TRPC7: variants seen among roughly 807,000 people sequenced by gnomAD.
TRPC7 encodes transient receptor potential cation channel subfamily C member 7.
TRPC7 carries 42 observed loss-of-function variants against 90.1 expected under a neutral mutation model. That is an observed-to-expected ratio of 0.47 (90% CI 0.36 to 0.60). The LOEUF is 0.60. Ranked by LOEUF, TRPC7 falls within the 20% of genes least tolerant of loss-of-function variation. The probability of loss-of-function intolerance (pLI) is 0.00; values close to 1 mark genes in which losing one functional copy is unlikely to be tolerated. For synonymous variants in TRPC7, 451 were observed against 436.3 expected (o/e 1.03, Z -0.42); for missense variants, 955 against 1,112.3 (o/e 0.86, Z 2.01).
intron 5 of TRPC7, among the ~76,000 whole-genome samples, chr5:136,262,624 T>G (rs1443512842): frequency 6.6e-6 from 1 of 152,224 alleles, no homozygotes; most frequent in East Asian, 1.9e-4. Context: ...TGATAATGTT[T>G]TTCTGATTCT....
chr5:136,293,194 A>G (rs2149825920), intron 3 of TRPC7, among the ~76,000 whole-genome samples: 1 of 152,294 alleles, frequency 6.6e-6, no homozygotes, highest in African/African-American at 2.4e-5. Flanking sequence ...TACTGAATGG[A>G]CAAAAACTGG....
intron 2 of TRPC7, among the ~76,000 whole-genome samples, chr5:136,345,655 T>C (rs909916209): frequency 6.6e-6 from 1 of 152,338 alleles, no homozygotes; most frequent in East Asian, 1.9e-4. Context: ...AGGCTGCCTG[T>C]TCACTCTGAT....
At chr5:136,253,694 C>T (rs887907740) in intron 5 of TRPC7, among the ~76,000 whole-genome samples, 2 of 152,140 alleles carry the variant, frequency 1.3e-5, no homozygotes, top group Non-Finnish European at 2.9e-5. Context: ...CTTTCCCTCC[C>T]CTCGGGCCTC....
chr5:136,290,699 C>A (rs577349817), intron 3 of TRPC7, among the ~76,000 whole-genome samples: 60 of 152,236 alleles, frequency 3.9e-4, no homozygotes, highest in Non-Finnish European at 6.8e-4. Flanking sequence ...AGAATGGAAC[C>A]AAGTTGGAAA....
chr5:136,276,084 T>C (rs1261854386), intron 3 of TRPC7, among the ~76,000 whole-genome samples: 2 of 152,268 alleles, frequency 1.3e-5, no homozygotes, highest in African/African-American at 4.8e-5. Flanking sequence ...TAGTAGTTGC[T>C]GCTTGGCCAT....
chr5:136,277,344 C>G (rs898377257), intron 3 of TRPC7, among the ~76,000 whole-genome samples: 1 of 152,184 alleles, frequency 6.6e-6, no homozygotes, highest in Non-Finnish European at 1.5e-5. Flanking sequence ...AATAAAGCAA[C>G]CTAGCTTCAG....
chr5:136,262,679 G>A (rs1756896077), intron 5 of TRPC7, among the ~76,000 whole-genome samples: 1 of 152,182 alleles, frequency 6.6e-6, no homozygotes, highest in South Asian at 2.1e-4. Flanking sequence ...CCAGGATGGA[G>A]TAACAAACAG....
intron 5 of TRPC7, among the ~76,000 whole-genome samples, chr5:136,255,028 C>A (rs557109448): frequency 6.6e-6 from 1 of 152,300 alleles, no homozygotes; most frequent in African/African-American, 2.4e-5. Flanking sequence ...TAAATTGCTG[C>A]AATTTCATGA....
At chr5:136,224,690 T>A (rs1755571886) in intron 10 of TRPC7, among the ~76,000 whole-genome samples, 1 of 152,210 alleles carries the variant, frequency 6.6e-6, no homozygotes, top group African/African-American at 2.4e-5. Context: ...TAGGTGGTTT[T>A]CTTAAAGCGC....
chr5:136,275,667 TCTATTGTGTGGCCATGTC>T (rs1220307445), intron 3 of TRPC7, among the ~76,000 whole-genome samples: 1 of 152,162 alleles, frequency 6.6e-6, no homozygotes, highest in East Asian at 1.9e-4. Context: ...GTGGCCATTT[TCTATTGTGTGGCCATGTC>T]CTGCCCTCAC....
chr5:136,314,744 G>T (rs1015736307), intron 3 of TRPC7, among the ~76,000 whole-genome samples: 2 of 152,140 alleles, frequency 1.3e-5, no homozygotes, highest in Non-Finnish European at 2.9e-5. Context: ...ATACCATTCA[G>T]TTTTGATCAG....
At chr5:136,351,302 C>T (rs944375699) in intron 2 of TRPC7, among the ~76,000 whole-genome samples, 39 of 152,278 alleles carry the variant, frequency 2.6e-4, no homozygotes, top group Admixed American at 1.8e-3. Context: ...CCCTTTAAGA[C>T]CTGCAGCCTT....
In TRPC7 at chr5:136,254,539, C is replaced by A. The variant is rs113377693; in HGVS notation, c.1346-2657G>T. 8.0e-3 allele frequency among the ~76,000 whole-genome samples: 1,221 copies of A among 152,226 alleles called. 14 individuals are homozygous for A. The highest frequency in any genetic ancestry group is 0.021 in the African/African-American group (858 of 41,514). Reference sequence around the variant, plus strand: ...GCATGGTATACTGAATATTTTAAGCCCACTGTTGAGACTTACTGCTCAGAA... The same window carrying A: ...GCATGGTATACTGAATATTTTAAGCACACTGTTGAGACTTACTGCTCAGAA... On this transcript the variant is annotated intron_variant, in intron 5 of 11. Coordinates refer to ENST00000513104, the MANE Select transcript of TRPC7 (RefSeq NM_020389.3).
chr5:136,232,824 A>G (rs1755860298), intron 7 of TRPC7, among the ~76,000 whole-genome samples: 1 of 152,092 alleles, frequency 6.6e-6, no homozygotes, highest in Non-Finnish European at 1.5e-5. Flanking sequence ...CAGTTCTTTT[A>G]GTTTTCATCC....
chr5:136,264,631 C>T (rs1031566960), intron 5 of TRPC7, among the ~76,000 whole-genome samples: 6 of 151,438 alleles, frequency 4.0e-5, no homozygotes, highest in East Asian at 1.9e-4. Context: ...CTTGCTCTGT[C>T]GCCCAGGCTG....
At chr5:136,325,759 G>A (rs551009508) in intron 2 of TRPC7, among the ~76,000 whole-genome samples, 1 of 151,674 alleles carries the variant, frequency 6.6e-6, no homozygotes, top group Non-Finnish European at 1.5e-5. Flanking sequence ...TGGGGGCAGG[G>A]AATCTCAGGC....
rs550763671 is a variant in TRPC7 at position 136,223,282 on chromosome 5, C to T, written c.2343+1992G>A. 2.2e-4 allele frequency among the ~76,000 whole-genome samples: 34 copies of T among 152,258 alleles called. No individual in the cohort carries two copies. The South Asian group carries it at 4.4e-3, about 19-fold the overall frequency. On this transcript the variant is annotated intron_variant, in intron 10 of 11. Coordinates refer to ENST00000513104, the MANE Select transcript of TRPC7 (RefSeq NM_020389.3). ...GCAGTATGGACTCAACCAGCGAGGA[C>T]GGAAGACAGAGATGGGACTGCTTTG...
intron 7 of TRPC7, among the ~76,000 whole-genome samples, chr5:136,236,443 T>C (rs35387354): frequency 7.2e-5 from 11 of 152,358 alleles, no homozygotes; most frequent in Middle Eastern, 3.4e-3. Flanking sequence ...TTCCAGCCCA[T>C]GCTGTCTTTT....
chr5:136,328,102 T>A (rs917890207), intron 2 of TRPC7, among the ~76,000 whole-genome samples: 11 of 152,200 alleles, frequency 7.2e-5, no homozygotes, highest in Non-Finnish European at 1.6e-4. Context: ...TCAAGGCAAG[T>A]ACCCTTTGGC....
Sources: gnomAD v4.1 joint callset for allele counts (sites outside exome capture counted in the v4.1 genomes callset) on GRCh38, gnomAD v4.1.1 for gene constraint, MANE v1.5 for transcripts, NCBI Gene and HGNC (gene_info 2026-07-23, HGNC 2026-07-21) for gene names.